DLG2: variants seen among roughly 807,000 people sequenced by gnomAD.
DLG2 encodes disks large homolog 2.
In DLG2, 45 loss-of-function variants were observed where a neutral mutation model predicts 132.5. The observed-to-expected ratio is 0.34, with a 90% CI of 0.27 to 0.44. DLG2 has a LOEUF of 0.44. Ranked by LOEUF, DLG2 falls within the 20% of genes least tolerant of loss-of-function variation. The pLI is 1.00. For missense variants in DLG2, 1,045 were observed against 1,196.9 expected (o/e 0.87, Z 1.87); for synonymous variants, 424 against 419.6 (o/e 1.01, Z -0.13).
intron 6 of DLG2, among the ~76,000 whole-genome samples, chr11:85,045,932 T>G (rs1367413515): frequency 6.6e-6 from 1 of 152,074 alleles, no homozygotes; most frequent in African/African-American, 2.4e-5. Flanking sequence ...AATATGTCAC[T>G]GAAAAATACG....
rs959602783 is a variant in DLG2, at chr11:83,733,063, G to A, written c.1825+53627C>T. 4.6e-5 allele frequency among the ~76,000 whole-genome samples: 7 copies of A among 152,054 alleles called. No homozygotes were observed. In the South Asian group the frequency reaches 1.5e-3, roughly 32 times the overall value. On this transcript the variant is annotated intron_variant, in intron 18 of 27. Transcript: ENST00000376104. Reference sequence around the variant, plus strand: ...TCGAGACCAGCCTGGCCAACATGGTGAAACCCCATCTCTGCTAAAAATACA... The same window carrying A: ...TCGAGACCAGCCTGGCCAACATGGTAAAACCCCATCTCTGCTAAAAATACA...
chr11:84,250,683 T>C (rs1333138521), intron 8 of DLG2, among the ~76,000 whole-genome samples: 2 of 152,186 alleles, frequency 1.3e-5, no homozygotes, highest in African/African-American at 2.4e-5. Flanking sequence ...GCCATCATAG[T>C]GGTTGTGTTA....
chr11:84,546,681 C>T, intron 6 of DLG2: 1 of 529,116 alleles, frequency 1.9e-6, no homozygotes, highest in South Asian at 1.5e-5. Flanking sequence ...CCCAAAGGCC[C>T]TGGAGCAATT....
intron 6 of DLG2, among the ~76,000 whole-genome samples, chr11:84,629,341 C>T (rs1429703782): frequency 6.6e-6 from 1 of 152,090 alleles, no homozygotes; most frequent in African/African-American, 2.4e-5. Context: ...CCCTTTGTTC[C>T]TTTTTTTGTT....
intron 4 of DLG2, among the ~76,000 whole-genome samples, chr11:85,261,179 G>A (rs945273128): frequency 1.3e-5 from 2 of 152,156 alleles, no homozygotes; most frequent in Non-Finnish European, 1.5e-5. Context: ...GGCAGGGGCT[G>A]GAGGGAAGTT....
chr11:83,560,556 C>A (rs917362153), intron 19 of DLG2, among the ~76,000 whole-genome samples: 2 of 152,062 alleles, frequency 1.3e-5, no homozygotes, highest in African/African-American at 4.8e-5. Context: ...AAATTCTATT[C>A]AGTCTAAAAT....
intron 18 of DLG2, among the ~76,000 whole-genome samples, chr11:83,635,701 C>A (rs1038243187): frequency 1.3e-5 from 2 of 152,150 alleles, no homozygotes; most frequent in Admixed American, 6.6e-5. Flanking sequence ...TATTTTCCTG[C>A]CTTCTACCAA....
intron 3 of DLG2, among the ~76,000 whole-genome samples, chr11:85,486,123 T>C (rs1253990010): frequency 1.4e-5 from 2 of 147,204 alleles, no homozygotes; most frequent in Non-Finnish European, 3.0e-5. Context: ...GTTTAGTCAC[T>C]GGAGGTCTGC....
At chr11:84,320,363 C>A (rs1043766888) in intron 7 of DLG2, among the ~76,000 whole-genome samples, 4 of 152,076 alleles carry the variant, frequency 2.6e-5, no homozygotes, top group Non-Finnish European at 4.4e-5. Context: ...TAAAATTATG[C>A]ATATGGGAAA....
At chr11:84,457,820 T>G (rs1335654624) in intron 7 of DLG2, among the ~76,000 whole-genome samples, 2 of 150,920 alleles carry the variant, frequency 1.3e-5, no homozygotes, top group Non-Finnish European at 3.0e-5. Context: ...ATACAACAAA[T>G]CTCATAAATA....
At chr11:85,234,930 C>T (rs915364502) in intron 4 of DLG2, among the ~76,000 whole-genome samples, 2 of 151,932 alleles carry the variant, frequency 1.3e-5, no homozygotes, top group Non-Finnish European at 2.9e-5. Flanking sequence ...TCCAATGTCC[C>T]TGTCAGACAG....
At chr11:85,621,521 A>C (rs2153276615) in intron 2 of DLG2, among the ~76,000 whole-genome samples, 1 of 152,360 alleles carries the variant, frequency 6.6e-6, no homozygotes, top group Middle Eastern at 3.4e-3. Context: ...TTCTTGATTC[A>C]CAGGAGGAGG....
At chr11:85,169,415 C>A (rs1287643886) in intron 4 of DLG2, among the ~76,000 whole-genome samples, 1 of 152,040 alleles carries the variant, frequency 6.6e-6, no homozygotes, top group African/African-American at 2.4e-5. Context: ...TATTAACATG[C>A]AAGTGTGCAC....
intron 3 of DLG2, among the ~76,000 whole-genome samples, chr11:85,310,305 A>C (rs940763997): frequency 6.6e-5 from 10 of 152,226 alleles, no homozygotes; most frequent in African/African-American, 2.4e-4. Flanking sequence ...TTGGTCAGGA[A>C]GATAGAAGAA....
At chr11:83,500,735 C>T (rs1430571405) in intron 21 of DLG2, among the ~76,000 whole-genome samples, 1 of 151,954 alleles carries the variant, frequency 6.6e-6, no homozygotes, top group African/African-American at 2.4e-5. Context: ...GTATGTCCCA[C>T]TATGTGTCAA....
chr11:84,743,751 CTT>C (rs112568691), intron 6 of DLG2, among the ~76,000 whole-genome samples: 5 of 148,330 alleles, frequency 3.4e-5, no homozygotes, highest in Admixed American at 1.3e-4. Flanking sequence ...ATTTTCTTTT[CTT>C]TTTTTTTTTG....
intron 3 of DLG2, among the ~76,000 whole-genome samples, chr11:85,422,085 G>T (rs184007451): frequency 3.3e-5 from 5 of 152,082 alleles, no homozygotes; most frequent in African/African-American, 1.2e-4. Context: ...TCCTTTATAG[G>T]TTACCTGGTG....
rs2089089750 is a variant in DLG2, at chr11:83,456,865, C to T, written c.*2953G>A. 1 of 152,344 alleles carries T rather than the reference C, an allele frequency of 6.6e-6. No homozygotes were observed. Among genetic ancestry groups the T allele is most frequent in the Admixed American group, 6.5e-5 (1 of 15,280 alleles). 9.4% of individuals were successfully genotyped at this position (152,344 alleles called of 1,614,324 possible). ...GGCTCTTTAAGCAGACAGAGCCAAC[C>T]CAAGAATTTGGGGCTGGGAAAAAAG... On this transcript the variant is annotated 3_prime_UTR_variant, in exon 28 of 28. Transcript: ENST00000376104.
At chr11:84,827,103 A>C (rs2078421950) in intron 6 of DLG2, among the ~76,000 whole-genome samples, 1 of 151,846 alleles carries the variant, frequency 6.6e-6, no homozygotes, top group Non-Finnish European at 1.5e-5. Context: ...ACCGCAGAGC[A>C]CAGTAACTCA....
Sources: allele counts gnomAD v4.1 joint callset (sites outside exome capture counted in the v4.1 genomes callset), GRCh38; gene constraint gnomAD v4.1.1; transcripts MANE v1.5; gene names NCBI Gene and HGNC (gene_info 2026-07-23, HGNC 2026-07-21).